Variants in MALRD1 observed in about 807,000 individuals in gnomAD.
MALRD1 encodes MAM and LDL-receptor class A domain-containing protein 1.
Under a neutral mutation model 242.1 loss-of-function variants are expected in MALRD1, and 247 were observed. That is an observed-to-expected ratio of 1.02 (90% CI 0.92 to 1.13). MALRD1 has a LOEUF of 1.13. MALRD1 is among the 50% of genes most tolerant of loss of function. The pLI is 0.00. For synonymous variants in MALRD1, 995 were observed against 866.6 expected, an observed-to-expected ratio of 1.15 and a Z score of -2.60; for missense variants, 2,989 against 2,533.1, an observed-to-expected ratio of 1.18 and a Z score of -3.86.
intron 19 of MALRD1, among the ~76,000 whole-genome samples, chr10:19,269,389 A>G (rs1840102280): frequency 6.6e-6 from 1 of 152,236 alleles, no homozygotes; most frequent in Non-Finnish European, 1.5e-5. Flanking sequence ...CTGCATAGTC[A>G]TTTCTAGCAT....
intron 28 of MALRD1, among the ~76,000 whole-genome samples, chr10:19,405,537 C>T (rs1216757642): frequency 6.6e-6 from 1 of 152,162 alleles, no homozygotes; most frequent in African/African-American, 2.4e-5. Context: ...AGGAAAACCA[C>T]ATCTCTCTTT....
chr10:19,142,759 C>T (rs1833596626), intron 10 of MALRD1, among the ~76,000 whole-genome samples: 1 of 152,158 alleles, frequency 6.6e-6, no homozygotes, highest in South Asian at 2.1e-4. Flanking sequence ...ACATTTAACA[C>T]ATATAGTATG....
chr10:19,679,867 G>C (rs1437545555), intron 36 of MALRD1, among the ~76,000 whole-genome samples: 5 of 151,982 alleles, frequency 3.3e-5, no homozygotes, highest in Non-Finnish European at 7.4e-5. Context: ...GTTCTCATTG[G>C]TTTCAAATAA....
At chr10:19,365,695 A>G (rs1845081414) in intron 26 of MALRD1, among the ~76,000 whole-genome samples, 4 of 144,254 alleles carry the variant, frequency 2.8e-5, no homozygotes, top group Admixed American at 2.1e-4. Context: ...AAAACAAGCT[A>G]CTATGTTTTT....
intron 28 of MALRD1, among the ~76,000 whole-genome samples, chr10:19,443,929 T>C (rs976739242): frequency 6.6e-6 from 1 of 152,056 alleles, no homozygotes; most frequent in Non-Finnish European, 1.5e-5. Context: ...GATGTTATTA[T>C]TGTGTGGGAG....
At chr10:19,374,126 G>A (rs1012511076) in intron 26 of MALRD1, among the ~76,000 whole-genome samples, 24 of 152,206 alleles carry the variant, frequency 1.6e-4, no homozygotes, top group African/African-American at 5.5e-4. Context: ...CTTTTTTAAC[G>A]TTTTCAATGA....
chr10:19,302,101 G>A (rs1455305741), intron 21 of MALRD1, among the ~76,000 whole-genome samples: 1 of 151,766 alleles, frequency 6.6e-6, no homozygotes, highest in African/African-American at 2.4e-5. Context: ...AGAATGAGGA[G>A]AATTAGACAA....
At chr10:19,474,052 T>G (rs1836618215) in intron 29 of MALRD1, among the ~76,000 whole-genome samples, 1 of 152,172 alleles carries the variant, frequency 6.6e-6, no homozygotes, top group South Asian at 2.1e-4. Flanking sequence ...TATCTAGTTT[T>G]GGTTTTCATT....
Position 19,230,036 on chromosome 10 carries a change from T to C in MALRD1, c.2991+20356T>C, listed in dbSNP as rs1003118363. Among the ~76,000 whole-genome samples the C allele has an allele frequency of 2.3e-4, 35 of 152,230 alleles. No homozygotes were observed. The South Asian group carries it at 2.5e-3, about 11-fold the overall frequency. ...AGTGAATAAGTCTCATGAGATCTGA[T>C]GGTTTTATAAGGCGAAACCCCTTTC... is the stretch of plus-strand genomic sequence containing the variant. On this transcript the variant is annotated intron_variant, in intron 18 of 39. Coordinates refer to ENST00000454679, the MANE Select transcript of MALRD1 (RefSeq NM_001142308.3).
chr10:19,437,037 T>C (rs1051995808), intron 28 of MALRD1, among the ~76,000 whole-genome samples: 18 of 152,070 alleles, frequency 1.2e-4, no homozygotes, highest in African/African-American at 4.3e-4. Context: ...TGAGGGGGAA[T>C]ATAATGATTC....
chr10:19,140,654 G>C (rs10826994), intron 10 of MALRD1, among the ~76,000 whole-genome samples: 54,167 of 151,568 alleles, frequency 0.36, 9,996 homozygotes, highest in Admixed American at 0.43. Flanking sequence ...AATGATGAGC[G>C]TGGAGGGGAT....
intron 28 of MALRD1, among the ~76,000 whole-genome samples, chr10:19,439,546 A>G (rs3927568): frequency 4.4e-5 from 5 of 114,246 alleles, no homozygotes; most frequent in South Asian, 5.4e-4. Flanking sequence ...TCAAAAAAAA[A>G]GTGGGGGATA....
intron 14 of MALRD1, among the ~76,000 whole-genome samples, chr10:19,198,666 C>G (rs958279804): frequency 2.6e-5 from 4 of 152,242 alleles, no homozygotes; most frequent in African/African-American, 9.6e-5. Context: ...CCAATAATAA[C>G]TCTACATTGT....
At chr10:19,315,557 T>TAAA (rs1162860593) in intron 21 of MALRD1, among the ~76,000 whole-genome samples, 1 of 103,930 alleles carries the variant, frequency 9.6e-6, no homozygotes, top group African/African-American at 4.0e-5. Context: ...AATATAAATA[T>TAAA]TATTTATATA....
At chr10:19,454,762 G>T (rs114520804) in intron 29 of MALRD1, among the ~76,000 whole-genome samples, 2 of 149,364 alleles carry the variant, frequency 1.3e-5, no homozygotes, top group South Asian at 4.2e-4. Context: ...TATATGTACC[G>T]TAATATGTAT....
At chr10:19,335,011 G>C (rs552113146) in intron 24 of MALRD1, among the ~76,000 whole-genome samples, 2 of 152,066 alleles carry the variant, frequency 1.3e-5, no homozygotes, top group African/African-American at 4.8e-5. Context: ...ATTTCTCTCT[G>C]TATTAGGGAA....
intron 28 of MALRD1, among the ~76,000 whole-genome samples, chr10:19,448,014 C>G (rs1372482899): frequency 6.6e-6 from 1 of 152,102 alleles, no homozygotes; most frequent in Non-Finnish European, 1.5e-5. Context: ...TTTAGATTAA[C>G]TGATGCATAG....
rs866559208 is a variant in MALRD1 at position 19,708,806 on chromosome 10, C to T, written c.6314+16252C>T. ...CCTCCCGAGTACCTGGGACTACAGG[C>T]GCACGCCACCACACCCAGCTAATTT... On this transcript the variant is annotated intron_variant, in intron 38 of 39. Coordinates refer to ENST00000454679, the MANE Select transcript of MALRD1 (RefSeq NM_001142308.3). 1.4e-4 allele frequency among the ~76,000 whole-genome samples: 17 copies of T among 121,296 alleles called. 5 individuals carry two copies. The highest frequency in any genetic ancestry group is 2.3e-4 in the Non-Finnish European group (12 of 52,852). 79.6% of individuals were successfully genotyped at this position (121,296 alleles called of 152,430 possible).
Position 19,607,803 on chromosome 10 carries a change from C to T in MALRD1, c.5971C>T (p.Leu1991=). The T allele has an allele frequency of 6.5e-7, 1 of 1,549,472 alleles. No homozygotes were observed. Among genetic ancestry groups the T allele is most frequent in the Non-Finnish European group, 8.7e-7 (1 of 1,146,412 alleles). Residue 1991 remains leucine (L), a synonymous_variant, in exon 35 of 40, where the codon CTG becomes TTG. Coordinates refer to ENST00000454679, the MANE Select transcript of MALRD1 (RefSeq NM_001142308.3). ...CAACAAAAGCTGTTCTAATGGAGCT[C>T]TGGTGTGTGCCTCCTCCAACAGCTG... is the stretch of plus-strand genomic sequence containing the variant. The part of the protein sequence containing the change: ...CSNKSCSNGA[L]VCASSNSCIP...
Sources: gnomAD v4.1 joint callset for allele counts (sites outside exome capture counted in the v4.1 genomes callset) on GRCh38, gnomAD v4.1.1 for gene constraint, MANE v1.5 for transcripts, NCBI Gene and HGNC (gene_info 2026-07-23, HGNC 2026-07-21) for gene names.